LPCAT4: variants seen among roughly 807,000 people sequenced by gnomAD.
LPCAT4 encodes lysophospholipid acyltransferase LPCAT4.
LPCAT4 carries 30 observed loss-of-function variants against 66.5 expected under a neutral mutation model. The ratio of observed to expected loss-of-function variants is 0.45; its 90% CI spans 0.34 to 0.61. LPCAT4 has a LOEUF of 0.61. LPCAT4 is among the 20% of genes least tolerant of loss of function. The pLI, the probability that LPCAT4 is intolerant of heterozygous loss-of-function variation, is 0.01. For synonymous variants in LPCAT4, 253 were observed against 262.1 expected, an observed-to-expected ratio of 0.97 and a Z score of 0.34; for missense variants, 557 against 656.7, an observed-to-expected ratio of 0.85 and a Z score of 1.66.
intron 2 of LPCAT4, 89 bp from the exon 3 acceptor site, chr15:34,365,317 C>T (rs964749897): frequency 7.4e-7 from 1 of 1,357,952 alleles, no homozygotes; most frequent in South Asian, 1.3e-5. Context: ...TAGGGCACCC[C>T]TCTTTTACCC....
At chr15:34,359,520 G>C in intron 13 of LPCAT4, 69 bp downstream of exon 13, 2 of 1,563,432 alleles carry the variant, frequency 1.3e-6, no homozygotes, top group Non-Finnish European at 1.7e-6. Context: ...TTCCCTCCCA[G>C]CCCAGTGCTT....
chr15:34,366,830 C>A, intron 1 of LPCAT4, 157 bp downstream of exon 1: 1 of 1,123,830 alleles, frequency 8.9e-7, no homozygotes, highest in Admixed American at 2.2e-5. Flanking sequence ...CTTGCCCAAC[C>A]GCGGCCGCCC....
Position 34,364,212 on chromosome 15 carries a change from T to G in LPCAT4, c.573A>C (p.Ser191=). The change falls in exon 4 of 14, where the codon TCA becomes TCC. Residue 191 remains serine (S), a synonymous_variant. Transcript: ENST00000314891. ...VVEEVRRRAT[S]GGKWPQVLFF... ...TACCCACCTGCGGCCACTTGCCTCC[T>G]GAGGTGGCCCGCCTTCGGACCTCCT... The G allele has an allele frequency of 6.2e-7, 1 of 1,612,882 alleles. No homozygotes were observed. Among genetic ancestry groups the G allele is most frequent in the Non-Finnish European group, 8.5e-7 (1 of 1,178,824 alleles).
rs201047365 is a variant in LPCAT4 at position 34,359,248 on chromosome 15, G to C, written c.1454C>G (p.Thr485Ser). The C allele has an allele frequency of 2.1e-4, 331 of 1,563,688 alleles. 2 individuals carry two copies. The highest frequency in any genetic ancestry group is 2.0e-3 in the Middle Eastern group (12 of 5,984). The change falls in exon 14 of 14, where the codon ACC becomes AGC. Residue 485 changes from threonine (T) to serine (S), a missense_variant. Coordinates refer to ENST00000314891, the MANE Select transcript of LPCAT4 (RefSeq NM_153613.3). ...AGAGGTGTGTGGGGGGCGCAGGTAG[G>C]TGCTGAAGAGTTTCCCATAGAGTGG... ...HDPLYGKLFS[T>S]YLRPPHTSRG...
At chr15:34,362,419 C>A in intron 9 of LPCAT4, 98 bp from the exon 10 acceptor site, 2 of 1,504,708 alleles carry the variant, frequency 1.3e-6, no homozygotes, top group Non-Finnish European at 1.8e-6. Flanking sequence ...GTAGATCAGG[C>A]CCCTTTAAAT....
rs1890998849 is a variant in LPCAT4 at position 34,363,511 on chromosome 15, T to C, written c.712-55A>G. 3.7e-6 allele frequency: 6 copies of C among 1,611,482 alleles called. No individual in the cohort carries two copies. The highest frequency in any genetic ancestry group is 1.3e-5 in the African/African-American group (1 of 75,012). ...GAGCATTACTTTTTCCCCCTGGAAC[T>C]GGCCAATCACCTTTGAACAGAGGGC... On this transcript the variant is annotated intron_variant, in intron 6 of 13. Transcript: ENST00000314891. This position sits in a 1 kb window ranked among gnomAD's most constrained non-coding sequence, Gnocchi z 4.3.
chr15:34,365,198 C>T lies in LPCAT4; in HGVS notation c.288G>A (p.Leu96=). The T allele has an allele frequency of 1.2e-6, 2 of 1,612,106 alleles. No homozygotes were observed. Among genetic ancestry groups the T allele is most frequent in the South Asian group, 2.2e-5 (2 of 90,818 alleles). The part of the protein sequence containing the change: ...KTVCHNGVLG[L]SRLLFFLLGF... The stretch of plus-strand genomic sequence containing the variant: ...CCAGCAGGAAAAACAGCAGGCGGCT[C>T]AGGCCTAGCACCCCGTTGTGGCACA... The change falls in exon 3 of 14, where the codon CTG becomes CTA. Residue 96 remains leucine (L), a synonymous_variant. Coordinates refer to ENST00000314891, the MANE Select transcript of LPCAT4 (RefSeq NM_153613.3).
Position 34,363,328 on chromosome 15 carries a change from G to T in LPCAT4, c.746+94C>A. 7.6e-7 allele frequency: 1 copy of T among 1,322,280 alleles called. No homozygotes were observed. Among genetic ancestry groups the T allele is most frequent in the Non-Finnish European group, 1.1e-6 (1 of 939,298 alleles). The allele number at this position is 1,322,280 out of a possible 1,614,324, so 81.9% of individuals were successfully genotyped here. A position where few individuals can be genotyped will look rare whatever the true frequency, so the allele number is the denominator to read the frequency against. ...TTCTCTCAGTCCTCAGATGAAGAAG[G>T]GCCATTCACCTTGTCGGGAGATTGG... On this transcript the variant is annotated intron_variant, in intron 7 of 13. Transcript: ENST00000314891. The surrounding 1 kb of genome is among the most constrained non-coding windows in gnomAD (Gnocchi z 4.3).
rs753608829 is a variant in LPCAT4, at chr15:34,365,606, G to A, written c.210C>T (p.Ala70=). The A allele has an allele frequency of 4.2e-5, 68 of 1,614,072 alleles. No homozygotes were observed. Among genetic ancestry groups the A allele is most frequent in the Non-Finnish European group, 5.8e-5 (68 of 1,180,046 alleles). The change falls in exon 2 of 14, where the codon GCC becomes GCT. Residue 70 remains alanine, a synonymous_variant. Coordinates refer to ENST00000314891, the MANE Select transcript of LPCAT4 (RefSeq NM_153613.3). ...LLWPFAWLQV[A]GLSEEQLQEP... is the part of the protein sequence containing the mutation. ...CCTGAAGCTGCTCCTCACTAAGACCGGCCACTTGAAGCCAGGCAAAGGGCC... is the reference window on the plus strand; with the variant it reads ...CCTGAAGCTGCTCCTCACTAAGACCAGCCACTTGAAGCCAGGCAAAGGGCC...
rs529803678 is a variant in LPCAT4 at position 34,362,337 on chromosome 15, G to A, written c.885-16C>T. 1.2e-6 allele frequency: 2 copies of A among 1,613,908 alleles called. No homozygotes were observed. Among genetic ancestry groups the A allele is most frequent in the East Asian group, 2.2e-5 (1 of 44,868 alleles). ...GCCCAGAGCCCTACAGGATGAAGAG[G>A]GATGGGATGGAGGGTAAGGAAGCAG... On this transcript the variant is annotated splice_polypyrimidine_tract_variant and intron_variant, in intron 9 of 13. Coordinates refer to ENST00000314891, the MANE Select transcript of LPCAT4 (RefSeq NM_153613.3).
Position 34,362,340 on chromosome 15 carries a change from T to C in LPCAT4, c.885-19A>G, listed in dbSNP as rs1341161440. On this transcript the variant is annotated intron_variant, in intron 9 of 13. Coordinates refer to ENST00000314891, the MANE Select transcript of LPCAT4 (RefSeq NM_153613.3). ...CAGAGCCCTACAGGATGAAGAGGGATGGGATGGAGGGTAAGGAAGCAGAAG... is the reference window on the plus strand; with the variant it reads ...CAGAGCCCTACAGGATGAAGAGGGACGGGATGGAGGGTAAGGAAGCAGAAG... 2 of 1,613,904 alleles carry C rather than the reference T, an allele frequency of 1.2e-6. No individual in the cohort carries two copies. Among genetic ancestry groups the C allele is most frequent in the Admixed American group, 1.7e-5 (1 of 60,002 alleles).
At position 34,360,096 on chromosome 15, in the gene LPCAT4, G is replaced by GCCACCCCCCATTACCT. The variant is rs1890907482; in HGVS notation, c.1241_1242+14dup. 1 of 1,562,090 alleles carries GCCACCCCCCATTACCT rather than the reference G, an allele frequency of 6.4e-7. No homozygotes were observed. On this transcript the variant is annotated intron_variant, in intron 12 of 13. Coordinates refer to ENST00000314891, the MANE Select transcript of LPCAT4 (RefSeq NM_153613.3). Reference sequence around the variant, plus strand: ...TAGCCACTAAGCACCCCCCACCACCGCCACCCCCCATTACCTCAAAGGCCA... The same window carrying GCCACCCCCCATTACCT: ...TAGCCACTAAGCACCCCCCACCACCGCCACCCCCCATTACCTCCACCCCCCATTACCTCAAAGGCCA...
In LPCAT4 at chr15:34,364,208, C is replaced by T; in HGVS notation, c.577G>A (p.Gly193Ser). ...CCCTTACCCACCTGCGGCCACTTGC[C>T]TCCTGAGGTGGCCCGCCTTCGGACC... is the stretch of plus-strand genomic sequence containing the variant. ...EEVRRRATSG[G>S]KWPQVLFFPE... The change falls in exon 4 of 14, where the codon GGC becomes AGC. Residue 193 changes from glycine (G) to serine (S), a missense_variant. Physicochemically the swap from Gly to Ser is moderately conservative, Grantham distance 56. Transcript: ENST00000314891. 1 of 1,612,880 alleles carries T rather than the reference C, an allele frequency of 6.2e-7. No homozygotes were observed. The highest frequency in any genetic ancestry group is 8.5e-7 in the Non-Finnish European group (1 of 1,178,834).
Position 34,366,997 on chromosome 15 carries a change from T to C in LPCAT4, c.104A>G (p.Gln35Arg). The change falls in exon 1 of 14, where the codon CAG (glutamine) becomes CGG (arginine). Residue 35 changes from glutamine (Q) to arginine (R), a missense_variant. Physicochemically the swap from Gln to Arg is conservative, Grantham distance 43. Around this residue, in one of 4 missense-constraint regions of LPCAT4, gnomAD observed 94 missense variants for 71.5 expected, o/e 1.32. Transcript: ENST00000314891. ...CTCCCCACACATTACCTTAACCCTC[T>C]GGAGGCGAGAGAGATGTAACTCATG... is the stretch of plus-strand genomic sequence containing the variant. ...FVHELHLSRL[Q>R]RVKFCLLGAL... is the part of the protein sequence containing the mutation. 4.8e-6 allele frequency: 7 copies of C among 1,448,860 alleles called. No homozygotes were observed. The highest frequency in any genetic ancestry group is 6.5e-6 in the Non-Finnish European group (7 of 1,081,618). 89.8% of individuals were successfully genotyped at this position (1,448,860 alleles called of 1,614,324 possible). A position where few individuals can be genotyped will look rare whatever the true frequency, so the allele number is the denominator to read the frequency against.
At position 34,363,298 on chromosome 15, in the gene LPCAT4, T is replaced by C; in HGVS notation, c.746+124A>G. 9.4e-7 allele frequency: 1 copy of C among 1,058,346 alleles called. No individual in the cohort carries two copies. Among genetic ancestry groups the C allele is most frequent in the Non-Finnish European group, 1.4e-6 (1 of 710,054 alleles). The allele number at this position is 1,058,346 out of a possible 1,614,324, so 65.6% of individuals were successfully genotyped here. On this transcript the variant is annotated intron_variant, in intron 7 of 13. Transcript: ENST00000314891. The surrounding 1 kb of genome is among the most constrained non-coding windows in gnomAD (Gnocchi z 4.3). ...ATCAGGGGGAAAGTGGTGTCTCCTC[T>C]AGAGTTCTCTCAGTCCTCAGATGAA... is the stretch of plus-strand genomic sequence containing the variant.
At chr15:34,360,002 C>A in intron 12 of LPCAT4, 109 bp downstream of exon 12, 1 of 967,882 alleles carries the variant, frequency 1.0e-6, no homozygotes. Flanking sequence ...GGTTGGATAC[C>A]AAATGCCTAG....
Position 34,365,231 on chromosome 15 carries a change from G to A in LPCAT4, c.258-3C>T, listed in dbSNP as rs370161057. 167 of 1,599,176 alleles carry A rather than the reference G, an allele frequency of 1.0e-4. No individual in the cohort carries two copies. The highest frequency in any genetic ancestry group is 1.4e-4 in the Non-Finnish European group (163 of 1,173,550). ...GCACCCCGTTGTGGCACACAGTCCTGCCAGGGCAAGGCTGGGTATCAGCGG... is the reference window on the plus strand; with the variant it reads ...GCACCCCGTTGTGGCACACAGTCCTACCAGGGCAAGGCTGGGTATCAGCGG... On this transcript the variant is annotated splice_polypyrimidine_tract_variant and splice_region_variant and intron_variant, in intron 2 of 13. Transcript: ENST00000314891.
In LPCAT4 at chr15:34,363,364, A is replaced by G; in HGVS notation, c.746+58T>C. ...TTGTCGGGAGATTGGAAGATGGGCC[A>G]GGAATTCTCTGATGGACCCTGCTCC... On this transcript the variant is annotated intron_variant, in intron 7 of 13. Coordinates refer to ENST00000314891, the MANE Select transcript of LPCAT4 (RefSeq NM_153613.3). This position sits in a 1 kb window ranked among gnomAD's most constrained non-coding sequence, Gnocchi z 4.3. 11 of 1,571,230 alleles carry G rather than the reference A, an allele frequency of 7.0e-6. No individual in the cohort carries two copies. The highest frequency in any genetic ancestry group is 2.2e-5 in the East Asian group (1 of 44,622).
In LPCAT4 at chr15:34,364,088, A is replaced by G; in HGVS notation, c.592-15T>C. The G allele has an allele frequency of 1.9e-6, 3 of 1,611,762 alleles. No individual in the cohort carries two copies. Among genetic ancestry groups the G allele is most frequent in the Non-Finnish European group, 2.5e-6 (3 of 1,177,952 alleles). On this transcript the variant is annotated splice_polypyrimidine_tract_variant and intron_variant, in intron 4 of 13. Coordinates refer to ENST00000314891, the MANE Select transcript of LPCAT4 (RefSeq NM_153613.3). Reference sequence around the variant, plus strand: ...AAGAATAGCACCTGGGGTAAAAAAGAGCAGAATGAGGTGAAGAAGACTGAA... The same window carrying G: ...AAGAATAGCACCTGGGGTAAAAAAGGGCAGAATGAGGTGAAGAAGACTGAA...
Sources: gnomAD v4.1 joint callset for allele counts on GRCh38, gnomAD v4.1.1 for gene constraint, gnomAD v4.1.1 regional missense constraint, Gnocchi (gnomAD v3.1) non-coding constraint, MANE v1.5 for transcripts, NCBI Gene and HGNC (gene_info 2026-07-23, HGNC 2026-07-21) for gene names.